EXT2: variants seen among roughly 807,000 people sequenced by gnomAD.
The protein encoded by EXT2 is exostosin-2.
Under a neutral mutation model 81.6 loss-of-function variants are expected in EXT2, and 53 were observed. The observed-to-expected ratio is 0.65, with a 90% confidence interval of 0.52 to 0.82. The LOEUF (loss-of-function observed/expected upper bound fraction) is 0.82, where lower values mean the gene tolerates loss of function less well. EXT2 is among the 40% of genes least tolerant of loss of function. The probability of loss-of-function intolerance (pLI) is 0.00; values close to 1 mark genes in which losing one functional copy is unlikely to be tolerated. For synonymous variants in EXT2, 320 were observed against 340.0 expected, an observed-to-expected ratio of 0.94 and a Z score of 0.65; for missense variants, 774 against 910.2, an observed-to-expected ratio of 0.85 and a Z score of 1.93.
chr11:44,194,651 A>T (rs551218984), intron 8 of EXT2, among the ~76,000 whole-genome samples: 1 of 152,236 alleles, frequency 6.6e-6, no homozygotes, highest in Non-Finnish European at 1.5e-5. Flanking sequence ...AGTGAGAACA[A>T]TAACCGTATC....
At chr11:44,180,172 C>T (rs1380841286) in intron 8 of EXT2, among the ~76,000 whole-genome samples, 1 of 152,134 alleles carries the variant, frequency 6.6e-6, no homozygotes, top group Non-Finnish European at 1.5e-5. Context: ...ATACTTTCTT[C>T]CTATTTCCCC....
chr11:44,209,212 C>T (rs1429089603), intron 10 of EXT2, among the ~76,000 whole-genome samples: 1 of 152,106 alleles, frequency 6.6e-6, no homozygotes. Context: ...GGGTTCAGAG[C>T]ACTCTGTACC....
chr11:44,232,614 A>G, intron 11 of EXT2, 118 bp downstream of exon 11: 1 of 1,274,084 alleles, frequency 7.8e-7, no homozygotes, highest in Non-Finnish European at 1.1e-6. Flanking sequence ...ATTGTGTGAC[A>G]GTATTTTACA....
At chr11:44,224,985 C>G (rs2135244840) in intron 10 of EXT2, among the ~76,000 whole-genome samples, 1 of 152,226 alleles carries the variant, frequency 6.6e-6, no homozygotes, top group South Asian at 2.1e-4. Flanking sequence ...TGACTATTCT[C>G]CTTTTAACTT....
intron 8 of EXT2, among the ~76,000 whole-genome samples, chr11:44,195,545 C>T (rs1461436263): frequency 6.6e-6 from 1 of 152,102 alleles, no homozygotes; most frequent in Non-Finnish European, 1.5e-5. Flanking sequence ...TACATTAGGA[C>T]CCTAGGAATC....
intron 8 of EXT2, among the ~76,000 whole-genome samples, chr11:44,184,826 C>A (rs1326823610): frequency 6.6e-6 from 1 of 152,154 alleles, no homozygotes; most frequent in African/African-American, 2.4e-5. Flanking sequence ...TGTCACTGAT[C>A]AGTTTTTTAA....
rs1265843471 is a variant in EXT2 at position 44,248,782 on chromosome 11, AC to A, written c.*4497del. Among the ~76,000 whole-genome samples the A allele has an allele frequency of 6.6e-6, 1 of 152,124 alleles. No individual in the cohort carries two copies. The highest frequency in any genetic ancestry group is 1.5e-5 in the Non-Finnish European group (1 of 68,022). ...GAGGGTGTGTGGGTCTGTACAGGCA[AC>A]CTTGTGTCATTCTTTCAATTTCCGG... On this transcript the variant is annotated 3_prime_UTR_variant, in exon 14 of 14. Transcript: ENST00000533608.
intron 8 of EXT2, among the ~76,000 whole-genome samples, chr11:44,179,274 T>G (rs1047512819): frequency 2.6e-5 from 4 of 152,230 alleles, no homozygotes; most frequent in African/African-American, 7.2e-5. Flanking sequence ...TAAACTAATG[T>G]GCCTGTGTAA....
chr11:44,108,491 C>A (rs754688784), intron 2 of EXT2, among the ~76,000 whole-genome samples: 7 of 152,318 alleles, frequency 4.6e-5, no homozygotes, highest in Non-Finnish European at 8.8e-5. Context: ...TTCCCAGCCT[C>A]TTAGAGTTTC....
At position 44,227,683 on chromosome 11, in the gene EXT2, G is replaced by C. The variant is rs76466245; in HGVS notation, c.1663-4670G>C. 3.7e-3 allele frequency among the ~76,000 whole-genome samples: 568 copies of C among 152,292 alleles called. 6 individuals are homozygous for C. The highest frequency in any genetic ancestry group is 0.013 in the African/African-American group (543 of 41,566). On this transcript the variant is annotated intron_variant, in intron 10 of 13. Coordinates refer to ENST00000533608, the MANE Select transcript of EXT2 (RefSeq NM_207122.2). ...GGGACACGACAAAAGACCTCAGGAGGCTCAAGAAAGAAGAACTTGGAAAAT... is the reference window on the plus strand; with the variant it reads ...GGGACACGACAAAAGACCTCAGGAGCCTCAAGAAAGAAGAACTTGGAAAAT...
At chr11:44,135,441 G>C (rs1379336546) in intron 7 of EXT2, among the ~76,000 whole-genome samples, 1 of 149,596 alleles carries the variant, frequency 6.7e-6, no homozygotes, top group African/African-American at 2.5e-5. Context: ...ACCCAGGCTG[G>C]AGTGCAGTGG....
chr11:44,171,702 C>T lies in EXT2; in HGVS notation c.1265C>T (p.Ala422Val), dbSNP rs1186906707. ...ATCAATGACCGGATCTATCCATATG[C>T]TGCCATCTCCTATGAAGAATGGAAT... Reference protein sequence around the residue: ...QIINDRIYPYAAISYEEWNDP... With the variant: ...QIINDRIYPYVAISYEEWNDP... The change falls in exon 8 of 14, where the codon GCT becomes GTT. Residue 422 changes from alanine (A) to valine (V), a missense_variant. By Grantham distance (64) the Ala-to-Val change is moderately conservative (BLOSUM62 0). Around this residue, in one of 2 missense-constraint regions of EXT2, gnomAD observed 626 missense variants for 670.5 expected, o/e 0.93. Transcript: ENST00000533608. The T allele has an allele frequency of 4.3e-6, 7 of 1,613,952 alleles. No homozygotes were observed. In the Admixed American group the frequency reaches 1.2e-4, roughly 27 times the overall value.
intron 7 of EXT2, among the ~76,000 whole-genome samples, chr11:44,130,396 C>T (rs779233694): frequency 6.6e-6 from 1 of 152,188 alleles, no homozygotes; most frequent in Non-Finnish European, 1.5e-5. Flanking sequence ...AAAGCTGAAG[C>T]TCTTTGGAGG....
intron 10 of EXT2, among the ~76,000 whole-genome samples, chr11:44,224,046 T>C (rs1400504135): frequency 6.6e-6 from 1 of 152,214 alleles, no homozygotes; most frequent in African/African-American, 2.4e-5. Flanking sequence ...CATGTTGTGA[T>C]GTCATACAAT....
intron 8 of EXT2, among the ~76,000 whole-genome samples, chr11:44,186,931 T>C (rs1955319224): frequency 6.6e-6 from 1 of 152,170 alleles, no homozygotes; most frequent in South Asian, 2.1e-4. Flanking sequence ...AAAGGACATT[T>C]GGAATCAAAC....
intron 3 of EXT2, 145 bp from the exon 4 acceptor site, chr11:44,114,039 TA>T: frequency 1.3e-6 from 1 of 763,286 alleles, no homozygotes; most frequent in Non-Finnish European, 2.3e-6. Context: ...GATGCGTGTA[TA>T]AGGCATTGTC....
chr11:44,232,429 G>A lies in EXT2; in HGVS notation c.1739G>A (p.Trp580Ter), dbSNP rs2135259642. The change falls in exon 11 of 14, where the codon TGG becomes TAG. Residue 580 changes from tryptophan to a stop codon, truncating the protein, a stop_gained. Coordinates refer to ENST00000533608, the MANE Select transcript of EXT2 (RefSeq NM_207122.2). LOFTEE classifies it high-confidence loss of function. ...LHLWDHEMNK[W>*]KYESEWTNEV... Reference sequence around the variant, plus strand: ...CTCTGGGACCATGAGATGAATAAGTGGAAGTATGAGTCTGAGTGGACGAAT... The same window carrying A: ...CTCTGGGACCATGAGATGAATAAGTAGAAGTATGAGTCTGAGTGGACGAAT... 1 of 1,614,062 alleles carries A rather than the reference G, an allele frequency of 6.2e-7. No individual in the cohort carries two copies. The highest frequency in any genetic ancestry group is 8.5e-7 in the Non-Finnish European group (1 of 1,179,982).
intron 10 of EXT2, among the ~76,000 whole-genome samples, chr11:44,223,757 T>A (rs962758184): frequency 6.7e-6 from 1 of 149,754 alleles, no homozygotes; most frequent in Non-Finnish European, 1.5e-5. Flanking sequence ...TTCACGCCAT[T>A]CCCCTGCCTC....
chr11:44,210,491 G>A (rs990261452), intron 10 of EXT2, among the ~76,000 whole-genome samples: 7 of 152,186 alleles, frequency 4.6e-5, no homozygotes, highest in Admixed American at 3.3e-4. Context: ...TGGAAGGTAA[G>A]TGGGGAGGGT....
Sources: gnomAD v4.1 joint callset for allele counts (sites outside exome capture counted in the v4.1 genomes callset) on GRCh38, gnomAD v4.1.1 for gene constraint, gnomAD v4.1.1 regional missense constraint, MANE v1.5 for transcripts, NCBI Gene and HGNC (gene_info 2026-07-23, HGNC 2026-07-21) for gene names.